JMY: variants seen among roughly 807,000 people sequenced by gnomAD.
JMY encodes the protein junction-mediating and -regulatory protein.
Under a neutral mutation model 103.3 loss-of-function variants are expected in JMY, and 46 were observed. The ratio of observed to expected loss-of-function variants is 0.45; its 90% CI spans 0.35 to 0.57. The LOEUF (loss-of-function observed/expected upper bound fraction) is 0.57. Ranked by LOEUF, JMY falls within the 20% of genes least tolerant of loss-of-function variation. The probability of loss-of-function intolerance (pLI) is 0.00; values close to 1 mark genes in which losing one functional copy is unlikely to be tolerated. For missense variants in JMY, 1,238 were observed against 1,255.2 expected (o/e 0.99, Z 0.21); for synonymous variants, 526 against 489.3 (o/e 1.07, Z -0.99).
rs1246918077 is a variant in JMY at position 79,307,986 on chromosome 5, C to CTTTTCGCTTCGAAGCGAAGGCTTCTCAA, written c.1968+1527_1968+1528insTTCGCTTCGAAGCGAAGGCTTCTCAATT. 1.1e-4 allele frequency among the ~76,000 whole-genome samples: 17 copies of CTTTTCGCTTCGAAGCGAAGGCTTCTCAA among 152,296 alleles called. No homozygotes were observed. In the East Asian group the frequency reaches 2.9e-3, roughly 26 times the overall value. On this transcript the variant is annotated intron_variant, in intron 7 of 10. Transcript: ENST00000396137. Reference sequence around the variant, plus strand: ...TCCTGACCTCAAGTGATCTGCCCTCCTTGGCCTCCAAATGTGCTGGGATTA... The same window carrying CTTTTCGCTTCGAAGCGAAGGCTTCTCAA: ...TCCTGACCTCAAGTGATCTGCCCTCCTTTTCGCTTCGAAGCGAAGGCTTCTCAATTGGCCTCCAAATGTGCTGGGATTA...
In JMY at chr5:79,263,713, G is replaced by A. The variant is rs1342363389; in HGVS notation, c.1033-14197G>A. Among the ~76,000 whole-genome samples the A allele has an allele frequency of 2.6e-5, 4 of 151,700 alleles. No homozygotes were observed. In the South Asian group the frequency reaches 6.2e-4, roughly 24 times the overall value. ...TTTTTTTATAGAGTCTTGCCTTTTTGTCTAGGCTGGAGTACACCGGTGCAA... is the reference window on the plus strand; with the variant it reads ...TTTTTTTATAGAGTCTTGCCTTTTTATCTAGGCTGGAGTACACCGGTGCAA... On this transcript the variant is annotated intron_variant, in intron 1 of 10. Coordinates refer to ENST00000396137, the MANE Select transcript of JMY (RefSeq NM_152405.5).
intron 1 of JMY, among the ~76,000 whole-genome samples, chr5:79,240,181 A>G (rs889458376): frequency 2.9e-4 from 44 of 151,380 alleles, no homozygotes; most frequent in African/African-American, 1.0e-3. Context: ...TTGTCCGGCT[A>G]ATTTTTGTAT....
chr5:79,255,110 G>T (rs1169885492), intron 1 of JMY, among the ~76,000 whole-genome samples: 1 of 138,944 alleles, frequency 7.2e-6, no homozygotes, highest in African/African-American at 2.8e-5. Context: ...TGTCTGAAAG[G>T]TCACATATCT....
At chr5:79,271,423 C>G (rs1349094832) in intron 1 of JMY, among the ~76,000 whole-genome samples, 1 of 152,122 alleles carries the variant, frequency 6.6e-6, no homozygotes, top group Non-Finnish European at 1.5e-5. Flanking sequence ...CCCTCTACTT[C>G]TATTTTCTAG....
intron 7 of JMY, among the ~76,000 whole-genome samples, chr5:79,307,537 T>G (rs1268842571): frequency 1.3e-5 from 2 of 152,132 alleles, no homozygotes; most frequent in Non-Finnish European, 2.9e-5. Context: ...AGCCGCAAAC[T>G]CCTGGGCTCA....
At chr5:79,252,187 T>G (rs6414979) in intron 1 of JMY, among the ~76,000 whole-genome samples, 52,758 of 152,050 alleles carry the variant, frequency 0.35, 9,597 homozygotes, top group South Asian at 0.51. Context: ...TTTGTTTTAA[T>G]AAATTTTCCT....
intron 2 of JMY, among the ~76,000 whole-genome samples, chr5:79,287,360 A>G (rs192266687): frequency 2.6e-5 from 4 of 152,364 alleles, no homozygotes; most frequent in Admixed American, 2.6e-4. Context: ...TTGGAGATGA[A>G]TAGACAAGAA....
Position 79,236,543 on chromosome 5 carries a change from G to A in JMY, c.-108G>A. 1 of 906,602 alleles carries A rather than the reference G, an allele frequency of 1.1e-6. No homozygotes were observed. Among genetic ancestry groups the A allele is most frequent in the Non-Finnish European group, 1.5e-6 (1 of 673,346 alleles). 56.2% of individuals were successfully genotyped at this position (906,602 alleles called of 1,614,324 possible). On this transcript the variant is annotated 5_prime_UTR_variant, in exon 1 of 11. Transcript: ENST00000396137. ...GAGAGCCGGCCGGCGCACTAAGATGGCTGAAGGCGCCCGGCGAGGGTGAGC... is the reference window on the plus strand; with the variant it reads ...GAGAGCCGGCCGGCGCACTAAGATGACTGAAGGCGCCCGGCGAGGGTGAGC...
intron 2 of JMY, among the ~76,000 whole-genome samples, chr5:79,282,927 C>G (rs1170817372): frequency 1.3e-5 from 2 of 151,284 alleles, no homozygotes; most frequent in East Asian, 3.9e-4. Context: ...ATTCTATGGA[C>G]AGTTGTGTCT....
chr5:79,289,249 A>C (rs1456424414), intron 2 of JMY, among the ~76,000 whole-genome samples: 1 of 151,712 alleles, frequency 6.6e-6, no homozygotes, highest in East Asian at 1.9e-4. Flanking sequence ...AAAAAAAAAA[A>C]AAAAGGAGAA....
At chr5:79,266,588 G>A (rs1745593696) in intron 1 of JMY, among the ~76,000 whole-genome samples, 1 of 151,934 alleles carries the variant, frequency 6.6e-6, no homozygotes, top group South Asian at 2.1e-4. Context: ...TTTTGTGTTG[G>A]GTACATTACA....
chr5:79,238,648 C>CTTTTTTTT lies in JMY; in HGVS notation c.1032+977_1032+984dup, dbSNP rs1055172051. ...AATGCACCCCCGCCCTCCGCGCCTT[C>CTTTTTTTT]TTTTTTTTTTTTTTTTTTGGAAGCA... On this transcript the variant is annotated intron_variant, in intron 1 of 10. Coordinates refer to ENST00000396137, the MANE Select transcript of JMY (RefSeq NM_152405.5). 7.3e-4 allele frequency among the ~76,000 whole-genome samples: 88 copies of CTTTTTTTT among 120,630 alleles called. 2 individuals are homozygous for CTTTTTTTT. Among genetic ancestry groups the CTTTTTTTT allele is most frequent in the East Asian group, 2.2e-3 (9 of 4,026 alleles). 79.1% of individuals were successfully genotyped at this position (120,630 alleles called of 152,430 possible).
chr5:79,258,525 G>A (rs549170002), intron 1 of JMY, among the ~76,000 whole-genome samples: 1 of 152,100 alleles, frequency 6.6e-6, no homozygotes, highest in East Asian at 1.9e-4. Flanking sequence ...GCCTGCCAAG[G>A]GAGAGCCAGT....
chr5:79,314,730 G>A lies in JMY; in HGVS notation c.2538G>A (p.Gly846=), dbSNP rs776205757. The change falls in exon 9 of 11, where the codon GGG becomes GGA. Residue 846 remains glycine, a synonymous_variant. Transcript: ENST00000396137. Reference sequence around the variant, plus strand: ...AGAAAGATCTGCCTAGAAAGGAGGGGAATGAGAAGAGGATCCCAAAGTCAG... The same window carrying A: ...AGAAAGATCTGCCTAGAAAGGAGGGAAATGAGAAGAGGATCCCAAAGTCAG... ...TLEKDLPRKE[G]NEKRIPKSAS... The A allele has an allele frequency of 2.2e-5, 36 of 1,612,938 alleles. No homozygotes were observed. In the African/African-American group the frequency reaches 4.0e-4, roughly 18 times the overall value.
intron 9 of JMY, 27 bp from the exon 10 acceptor site, chr5:79,315,973 A>T (rs1287589545): frequency 6.3e-7 from 1 of 1,599,680 alleles, no homozygotes; most frequent in Non-Finnish European, 8.5e-7. Flanking sequence ...TCCTAACTGT[A>T]ATACTGTTCT....
chr5:79,318,761 T>TATAGAGAG (rs1218912301), intron 10 of JMY, among the ~76,000 whole-genome samples: 6 of 53,602 alleles, frequency 1.1e-4, no homozygotes, highest in African/African-American at 5.0e-4. Flanking sequence ...TATATATATA[T>TATAGAGAG]AGAGAGAGAG....
At position 79,323,879 on chromosome 5, in the gene JMY, C is replaced by CAAG. The variant is rs1321814649; in HGVS notation, c.*2278_*2280dup. The CAAG allele has an allele frequency of 3.3e-5, 5 of 152,126 alleles. No individual in the cohort carries two copies. Among genetic ancestry groups the CAAG allele is most frequent in the African/African-American group, 1.2e-4 (5 of 41,422 alleles). The allele number at this position is 152,126 out of a possible 1,614,324, so 9.4% of individuals were successfully genotyped here. On this transcript the variant is annotated 3_prime_UTR_variant, in exon 11 of 11. Coordinates refer to ENST00000396137, the MANE Select transcript of JMY (RefSeq NM_152405.5). Reference sequence around the variant, plus strand: ...CCACTCAGCCTCATGGATACATCTACAAGTCTCTCAACCCATCCTGTTACA... The same window carrying CAAG: ...CCACTCAGCCTCATGGATACATCTACAAGAAGTCTCTCAACCCATCCTGTTACA...
intron 2 of JMY, chr5:79,285,042 C>T: frequency 3.2e-6 from 2 of 622,068 alleles, no homozygotes; most frequent in Non-Finnish European, 5.6e-6. Context: ...CTGGACTATA[C>T]TCATCATCTT....
chr5:79,289,159 TG>T (rs1241442910), intron 2 of JMY, among the ~76,000 whole-genome samples: 1 of 146,054 alleles, frequency 6.8e-6, no homozygotes, highest in Non-Finnish European at 1.5e-5. Context: ...CACTTGAACC[TG>T]GGAGGCGGAG....
Sources: allele counts gnomAD v4.1 joint callset (sites outside exome capture counted in the v4.1 genomes callset), GRCh38; gene constraint gnomAD v4.1.1; transcripts MANE v1.5; gene names NCBI Gene and HGNC (gene_info 2026-07-23, HGNC 2026-07-21).